LYRM4: variants seen among roughly 807,000 people sequenced by gnomAD.
LYRM4 encodes the protein LYR motif containing 4.
LYRM4 carries 9 observed loss-of-function variants against 11.7 expected under a neutral mutation model. The observed-to-expected ratio is 0.77, with a 90% confidence interval of 0.46 to 1.34. The LOEUF (loss-of-function observed/expected upper bound fraction) is 1.34, where lower values mean the gene tolerates loss of function less well. Ranked by LOEUF, LYRM4 falls within the 40% of genes most tolerant of loss-of-function variation. The probability of loss-of-function intolerance (pLI) is 0.00; values close to 1 mark genes in which losing one functional copy is unlikely to be tolerated. For missense variants in LYRM4, 133 were observed against 112.5 expected (o/e 1.18, Z -0.82); for synonymous variants, 42 against 40.4 (o/e 1.04, Z -0.15).
At chr6:5,098,826 T>G (rs1317450220), downstream of LYRM4, among the ~76,000 whole-genome samples, 1 of 152,214 alleles carries the variant, frequency 6.6e-6, no homozygotes, top group Non-Finnish European at 1.5e-5. Context: ...GCTTTCCACT[T>G]GGTTAGGTAC....
the LYRM4 span, among the ~76,000 whole-genome samples, chr6:5,053,365 C>A: frequency 6.6e-6 from 1 of 152,050 alleles, no homozygotes; most frequent in African/African-American, 2.4e-5. Context: ...GGTAAAGTAT[C>A]TGACCCTACC....
chr6:5,061,745 T>C, the LYRM4 span, among the ~76,000 whole-genome samples: 2 of 152,170 alleles, frequency 1.3e-5, no homozygotes, highest in Non-Finnish European at 2.9e-5. Context: ...CACCCAGAGC[T>C]CACGGGAGTC....
chr6:5,230,711 T>C (rs1410620489), intron 1 of LYRM4, among the ~76,000 whole-genome samples: 1 of 152,188 alleles, frequency 6.6e-6, no homozygotes. Flanking sequence ...GATGTCTTCC[T>C]TAAAATTTCC....
intron 1 of LYRM4, among the ~76,000 whole-genome samples, chr6:5,218,783 A>G (rs950886389): frequency 1.3e-5 from 2 of 152,254 alleles, no homozygotes; most frequent in Non-Finnish European, 2.9e-5. Flanking sequence ...CATCAGATAC[A>G]GACTCTCCTC....
At chr6:5,148,520 T>TCAGAACTCTGAATCGTA (rs1561830571) in intron 2 of LYRM4, among the ~76,000 whole-genome samples, 6 of 7,438 alleles carry the variant, frequency 8.1e-4, no homozygotes, top group South Asian at 0.011. Context: ...CTGGGCTGGG[T>TCAGAACTCTGAATCGTA]ATACGCCTTG....
At chr6:5,039,309 A>G in the LYRM4 span, among the ~76,000 whole-genome samples, 1,809 of 152,302 alleles carry the variant, frequency 0.012, 33 homozygotes, top group African/African-American at 0.042. Context: ...TTGAGAACCA[A>G]CTATATTCCA....
At chr6:5,205,462 A>T (rs1187898812) in intron 2 of LYRM4, among the ~76,000 whole-genome samples, 1 of 150,498 alleles carries the variant, frequency 6.6e-6, no homozygotes, top group Non-Finnish European at 1.5e-5. Context: ...ACAGTACAGA[A>T]ATAGACAGGA....
chr6:5,109,613 C>A, intron 2 of LYRM4, 122 bp from the exon 3 acceptor site: 1 of 957,708 alleles, frequency 1.0e-6, no homozygotes, highest in Non-Finnish European at 1.6e-6. Flanking sequence ...TGCTCCCTTC[C>A]GGCAACTGCA....
chr6:5,260,045 G>T (rs756508279), intron 1 of LYRM4, among the ~76,000 whole-genome samples: 5 of 152,194 alleles, frequency 3.3e-5, no homozygotes, highest in Non-Finnish European at 4.4e-5. Flanking sequence ...CCAGTAAGCG[G>T]GATCTCTGTC....
intron 2 of LYRM4, among the ~76,000 whole-genome samples, chr6:5,192,310 C>T (rs1463299170): frequency 6.6e-6 from 1 of 152,034 alleles, no homozygotes; most frequent in African/African-American, 2.4e-5. Context: ...CGGCTGGGGG[C>T]AAGGCAGGAG....
At chr6:5,109,644 C>T (rs1762787504) in intron 2 of LYRM4, among the ~76,000 whole-genome samples, 153 bp from the exon 3 acceptor site, 1 of 152,250 alleles carries the variant, frequency 6.6e-6, no homozygotes, top group Admixed American at 6.5e-5. Context: ...AAGCCGGCCA[C>T]TAGAGCACCA....
chr6:5,198,626 C>T (rs1033926521), intron 2 of LYRM4, among the ~76,000 whole-genome samples: 1 of 152,334 alleles, frequency 6.6e-6, no homozygotes, highest in African/African-American at 2.4e-5. Flanking sequence ...CCCTGGCTAT[C>T]TAAACCTCAT....
At chr6:5,117,545 C>CAAA (rs558199881) in intron 2 of LYRM4, among the ~76,000 whole-genome samples, 1 of 121,180 alleles carries the variant, frequency 8.3e-6, no homozygotes, top group African/African-American at 3.1e-5. Flanking sequence ...GACTCTGTCT[C>CAAA]AAAAAAAAAA....
chr6:5,039,539 C>T, the LYRM4 span, among the ~76,000 whole-genome samples: 5 of 152,148 alleles, frequency 3.3e-5, no homozygotes, highest in Admixed American at 6.5e-5. Flanking sequence ...CCACCAAATT[C>T]GCAATTTGAA....
At chr6:5,117,894 T>C (rs560571167) in intron 2 of LYRM4, among the ~76,000 whole-genome samples, 28 of 151,854 alleles carry the variant, frequency 1.8e-4, no homozygotes, top group East Asian at 1.8e-3. Context: ...AGTTTTTTTT[T>C]CCTCCAAGTT....
chr6:5,259,554 G>C, intron 1 of LYRM4, among the ~76,000 whole-genome samples: 1 of 151,984 alleles, frequency 6.6e-6, no homozygotes. Context: ...GAGGCTTAGC[G>C]TTCCTGTCCT....
At chr6:5,214,638 T>C (rs1398246378) in intron 2 of LYRM4, among the ~76,000 whole-genome samples, 1 of 152,154 alleles carries the variant, frequency 6.6e-6, no homozygotes, top group African/African-American at 2.4e-5. Flanking sequence ...CAGAGAACAG[T>C]GTGCAAGAAT....
At chr6:5,099,163 C>T (rs2127587314), downstream of LYRM4, among the ~76,000 whole-genome samples, 1 of 151,874 alleles carries the variant, frequency 6.6e-6, no homozygotes, top group South Asian at 2.1e-4. This position sits in a 1 kb window ranked among gnomAD's most constrained non-coding sequence, Gnocchi z 4.3. Flanking sequence ...ACTCATGTTT[C>T]CCTTGGATTT....
intron 2 of LYRM4, among the ~76,000 whole-genome samples, chr6:5,126,655 A>G (rs1012488045): frequency 8.5e-5 from 13 of 152,256 alleles, no homozygotes; most frequent in African/African-American, 3.1e-4. Context: ...AGCCTCAAAA[A>G]GGAGTGAAGT....
Sources: allele counts gnomAD v4.1 joint callset (sites outside exome capture counted in the v4.1 genomes callset), GRCh38; gene constraint gnomAD v4.1.1; non-coding constraint Gnocchi (gnomAD v3.1); transcripts MANE v1.5; gene names NCBI Gene and HGNC (gene_info 2026-07-23, HGNC 2026-07-21).